Variants in ANKRD12 observed in about 807,000 individuals in gnomAD.
ANKRD12 encodes the protein ankyrin repeat domain 12.
Under a neutral mutation model 183.4 loss-of-function variants are expected in ANKRD12, and 85 were observed. The observed-to-expected ratio is 0.46, with a 90% CI of 0.39 to 0.56. The LOEUF is 0.56. ANKRD12 is among the 20% of genes least tolerant of loss of function. The pLI is 0.00. For synonymous variants in ANKRD12, 914 were observed against 800.2 expected, an observed-to-expected ratio of 1.14 and a Z score of -2.40; for missense variants, 2,405 against 2,357.1, an observed-to-expected ratio of 1.02 and a Z score of -0.42.
At chr18:9,260,078 T>C (rs1435542191) in intron 9 of ANKRD12, 1 of 152,208 alleles carries the variant, frequency 6.6e-6, no homozygotes, top group Non-Finnish European at 1.5e-5. Context: ...GTTTAAAATT[T>C]AGTTTGAAAA....
At position 9,166,244 on chromosome 18, in the gene ANKRD12, G is replaced by A. The variant is rs545055597; in HGVS notation, c.-51-16138G>A. Among the ~76,000 whole-genome samples the A allele has an allele frequency of 2.4e-4, 37 of 152,294 alleles. No homozygotes were observed. In the East Asian group the frequency reaches 6.7e-3, roughly 28 times the overall value. ...CCTTTGGGTATATACCCAGTAATGG[G>A]ATGGCTGGGTCAAATGGTATTTCTA... On this transcript the variant is annotated intron_variant, in intron 1 of 12. Transcript: ENST00000262126.
chr18:9,156,137 C>CAAAAAAAAA (rs34154495), intron 1 of ANKRD12, among the ~76,000 whole-genome samples: 18 of 103,626 alleles, frequency 1.7e-4, no homozygotes, highest in East Asian at 5.5e-4. Context: ...GACTCTGTCT[C>CAAAAAAAAA]AAAAAAAAAA....
At chr18:9,161,764 A>C (rs778122556) in intron 1 of ANKRD12, among the ~76,000 whole-genome samples, 1 of 151,694 alleles carries the variant, frequency 6.6e-6, no homozygotes, top group African/African-American at 2.4e-5. Flanking sequence ...ATATATATAT[A>C]AAATATATAT....
At chr18:9,171,380 T>C (rs2143985516) in intron 1 of ANKRD12, among the ~76,000 whole-genome samples, 1 of 152,290 alleles carries the variant, frequency 6.6e-6, no homozygotes, top group African/African-American at 2.4e-5. Context: ...ACTCTATACA[T>C]TTTGCCATTC....
chr18:9,180,377 GT>G (rs1198984990), intron 1 of ANKRD12, among the ~76,000 whole-genome samples: 1 of 151,598 alleles, frequency 6.6e-6, no homozygotes, highest in South Asian at 2.1e-4. Context: ...CTTCTTGTTG[GT>G]TTTTTTCCCA....
At chr18:9,158,966 T>G (rs1190283894) in intron 1 of ANKRD12, among the ~76,000 whole-genome samples, 1 of 152,228 alleles carries the variant, frequency 6.6e-6, no homozygotes, top group Non-Finnish European at 1.5e-5. Context: ...TTTTCTGGCA[T>G]TGTCTGTTGG....
chr18:9,159,443 A>G (rs539401643), intron 1 of ANKRD12, among the ~76,000 whole-genome samples: 237 of 151,408 alleles, frequency 1.6e-3, no homozygotes, highest in African/African-American at 5.6e-3. Context: ...TTTTATTTTC[A>G]TTTTTTGAGA....
At chr18:9,267,070 T>C (rs2039334388) in intron 10 of ANKRD12, among the ~76,000 whole-genome samples, 1 of 152,050 alleles carries the variant, frequency 6.6e-6, no homozygotes. Context: ...GAGCTAACTA[T>C]CCTAAATATA....
intron 1 of ANKRD12, chr18:9,137,712 C>T (rs761898542): frequency 6.6e-6 from 1 of 152,200 alleles, no homozygotes; most frequent in Non-Finnish European, 1.5e-5. Context: ...ATAACCTTGC[C>T]GCATTGGACA....
intron 8 of ANKRD12, chr18:9,235,518 G>A: frequency 3.1e-6 from 1 of 321,108 alleles, no homozygotes; most frequent in South Asian, 2.8e-5. Context: ...ATCAACAGTT[G>A]CTAACACCAC....
intron 8 of ANKRD12, 104 bp from the exon 9 acceptor site, chr18:9,254,107 A>C (rs1469657209): frequency 8.1e-7 from 1 of 1,227,296 alleles, no homozygotes; most frequent in East Asian, 2.8e-5. Context: ...AATTGTTTGA[A>C]ATATGTATTG....
chr18:9,235,560 C>T (rs2037297435), intron 8 of ANKRD12: 1 of 452,032 alleles, frequency 2.2e-6, no homozygotes. Flanking sequence ...TATATACTTG[C>T]ACACCTGATG....
At chr18:9,275,330 G>C (rs1399168500) in intron 10 of ANKRD12, among the ~76,000 whole-genome samples, 194 bp from the exon 11 acceptor site, 1 of 152,016 alleles carries the variant, frequency 6.6e-6, no homozygotes, top group East Asian at 1.9e-4. Context: ...TTAATTAGCT[G>C]TGCTTCATGG....
At chr18:9,267,915 C>T (rs137934483) in intron 10 of ANKRD12, among the ~76,000 whole-genome samples, 9,606 of 151,970 alleles carry the variant, frequency 0.063, 329 homozygotes, top group Non-Finnish European at 0.079. Context: ...ATCAAGTAGA[C>T]GCAATAAAAA....
At chr18:9,246,089 C>G (rs767576414) in intron 8 of ANKRD12, among the ~76,000 whole-genome samples, 5 of 152,126 alleles carry the variant, frequency 3.3e-5, no homozygotes, top group African/African-American at 4.8e-5. Context: ...TATAGAATTG[C>G]ATAAGTACAG....
intron 6 of ANKRD12, among the ~76,000 whole-genome samples, chr18:9,214,963 G>A (rs946043208): frequency 6.6e-6 from 1 of 152,090 alleles, no homozygotes; most frequent in African/African-American, 2.4e-5. Context: ...GGAAGATCAG[G>A]GATCTAAAGC....
Position 9,257,414 on chromosome 18 carries a change from T to C in ANKRD12, c.4147T>C (p.Ser1383Pro). The C allele has an allele frequency of 6.2e-7, 1 of 1,614,122 alleles. No homozygotes were observed. Among genetic ancestry groups the C allele is most frequent in the African/African-American group, 1.3e-5 (1 of 75,046 alleles). The part of the protein sequence containing the change: ...PTGASNSKYV[S>P]ADRNLIKNTA... ...TGGAGCTTCAAACAGCAAGTATGTT[T>C]CAGCTGATAGAAATCTCATCAAGAA... The change falls in exon 9 of 13, where the codon TCA becomes CCA. Residue 1383 changes from serine (S) to proline (P), a missense_variant. Ser to Pro is a moderately conservative substitution (Grantham distance 74). Coordinates refer to ENST00000262126, the MANE Select transcript of ANKRD12 (RefSeq NM_015208.5).
chr18:9,217,881 A>G (rs1304446160), intron 7 of ANKRD12, among the ~76,000 whole-genome samples: 5 of 152,168 alleles, frequency 3.3e-5, no homozygotes, highest in Admixed American at 3.3e-4. Context: ...TCCATCATGG[A>G]TGCACTTGTA....
At chr18:9,189,744 A>G (rs1437520600) in intron 2 of ANKRD12, among the ~76,000 whole-genome samples, 2 of 152,228 alleles carry the variant, frequency 1.3e-5, no homozygotes, top group Non-Finnish European at 2.9e-5. Flanking sequence ...GGTTTCCTGA[A>G]TAGATTAAGC....
Sources: gnomAD v4.1 joint callset for allele counts (sites outside exome capture counted in the v4.1 genomes callset) on GRCh38, gnomAD v4.1.1 for gene constraint, MANE v1.5 for transcripts, NCBI Gene and HGNC (gene_info 2026-07-23, HGNC 2026-07-21) for gene names.